TSHZ3: variants seen among roughly 807,000 people sequenced by gnomAD.
TSHZ3 encodes the protein teashirt zinc finger homeobox 3.
In TSHZ3, 10 loss-of-function variants were observed where a neutral mutation model predicts 64.5. The observed-to-expected ratio is 0.16, with a 90% CI of 0.10 to 0.26. TSHZ3 has a LOEUF of 0.26. Among genes scored for constraint, TSHZ3 ranks in the 10% least tolerant of loss-of-function variants. The probability of loss-of-function intolerance (pLI) is 1.00; values close to 1 mark genes in which losing one functional copy is unlikely to be tolerated. For synonymous variants in TSHZ3, 608 were observed against 593.1 expected, an observed-to-expected ratio of 1.03 and a Z score of -0.36; for missense variants, 1,242 against 1,421.7, an observed-to-expected ratio of 0.87 and a Z score of 2.03.
chr19:31,223,448 A>G (rs1010192281), intron 4 of TSHZ3, among the ~76,000 whole-genome samples: 5 of 151,514 alleles, frequency 3.3e-5, no homozygotes, highest in Admixed American at 6.6e-5. Flanking sequence ...CTGAAAAGTC[A>G]CCAAAGACAA....
At chr19:31,192,241 A>G (rs1351863224) in intron 5 of TSHZ3, among the ~76,000 whole-genome samples, 1 of 152,218 alleles carries the variant, frequency 6.6e-6, no homozygotes, top group Non-Finnish European at 1.5e-5. Flanking sequence ...GGGGAACAAA[A>G]AGCAGAAGGC....
At chr19:31,338,654 GCT>G (rs1373870399) in intron 1 of TSHZ3, among the ~76,000 whole-genome samples, 3 of 146,844 alleles carry the variant, frequency 2.0e-5, no homozygotes, top group Non-Finnish European at 4.5e-5. Flanking sequence ...AGCAACTGCA[GCT>G]CTGTTTATAT....
intron 1 of TSHZ3, among the ~76,000 whole-genome samples, chr19:31,299,136 A>G (rs1343874935): frequency 6.6e-6 from 1 of 152,182 alleles, no homozygotes; most frequent in Non-Finnish European, 1.5e-5. Context: ...CGGAGGTTGC[A>G]GTAAGCCGGG....
chr19:31,182,472 C>A (rs1238208251), intron 5 of TSHZ3, among the ~76,000 whole-genome samples: 1 of 152,094 alleles, frequency 6.6e-6, no homozygotes, highest in Non-Finnish European at 1.5e-5. Flanking sequence ...TAGGTCACAC[C>A]AAAATGCACA....
chr19:31,165,780 T>A (rs1974442723), intron 5 of TSHZ3, among the ~76,000 whole-genome samples: 1 of 152,188 alleles, frequency 6.6e-6, no homozygotes, highest in Non-Finnish European at 1.5e-5. Flanking sequence ...TAAAGTGACC[T>A]AAGGGACATA....
intron 1 of TSHZ3, among the ~76,000 whole-genome samples, chr19:31,250,616 T>A (rs185925208): frequency 2.6e-3 from 389 of 150,262 alleles, no homozygotes; most frequent in Middle Eastern, 0.02. Context: ...ACGCTAAGTA[T>A]TTTTTTTATA....
chr19:31,341,639 ACACACACACACACAC>A (rs1917442381), intron 1 of TSHZ3, among the ~76,000 whole-genome samples: 1 of 115,064 alleles, frequency 8.7e-6, no homozygotes, highest in African/African-American at 4.9e-5. Flanking sequence ...TGACACACAC[ACACACACACACACAC>A]ACACACACAC....
chr19:31,226,977 C>CTTTTTTTTTTTTTTTTTTTTTTT lies in TSHZ3; in HGVS notation n.686+1027_686+1028insAAAAAAAAAAAAAAAAAAAAAAA, dbSNP rs3030229. ...TTTTCTTCTCTTTCTTTCTTTCTTTCTTTTTTTTTTTTTTTTTTTGAGATG... is the reference window on the plus strand; with the variant it reads ...TTTTCTTCTCTTTCTTTCTTTCTTTCTTTTTTTTTTTTTTTTTTTTTTTTTTTTTTTTTTTTTTTTTTGAGATG... On this transcript the variant is annotated intron_variant and non_coding_transcript_variant, in intron 4 of 6. Coordinates refer to the TSHZ3 transcript ENST00000651361. Among the ~76,000 whole-genome samples, 46 of 65,670 alleles carry CTTTTTTTTTTTTTTTTTTTTTTT rather than the reference C, an allele frequency of 7.0e-4. 2 individuals are homozygous for CTTTTTTTTTTTTTTTTTTTTTTT. Among genetic ancestry groups the CTTTTTTTTTTTTTTTTTTTTTTT allele is most frequent in the African/African-American group, 1.4e-3 (14 of 10,310 alleles). The allele number at this position is 65,670 out of a possible 152,430, so 43.1% of individuals were successfully genotyped here. A position where few individuals can be genotyped will look rare whatever the true frequency, so the allele number is the denominator to read the frequency against.
At chr19:31,155,900 G>A (rs35517490) in intron 6 of TSHZ3, among the ~76,000 whole-genome samples, 13,938 of 152,274 alleles carry the variant, frequency 0.092, 821 homozygotes, top group East Asian at 0.14. Flanking sequence ...AAGTCCCTTA[G>A]TGACACCATT....
chr19:31,311,967 G>A (rs1000570825), intron 1 of TSHZ3, among the ~76,000 whole-genome samples: 2 of 151,944 alleles, frequency 1.3e-5, no homozygotes, highest in African/African-American at 4.8e-5. Flanking sequence ...CCAGTGATCC[G>A]CCCGCCTCAA....
At chr19:31,177,789 T>C (rs1974634449) in intron 5 of TSHZ3, among the ~76,000 whole-genome samples, 1 of 152,208 alleles carries the variant, frequency 6.6e-6, no homozygotes, top group South Asian at 2.1e-4. Context: ...ATATTCTCTT[T>C]TGAAGCTCAC....
At position 31,278,327 on chromosome 19, in the gene TSHZ3, T is replaced by C. The variant is rs1244561647; in HGVS notation, c.1466A>G (p.Asp489Gly). ...AVTDEKPKQKDKPGEEEEKCD... is the reference protein window; with the variant it reads ...AVTDEKPKQKGKPGEEEEKCD... The stretch of plus-strand genomic sequence containing the variant: ...CTTCTCCTCTTCTTCGCCAGGCTTG[T>C]CTTTTTGCTTAGGTTTCTCGTCAGT... Residue 489 changes from aspartate to glycine, a missense_variant, in exon 2 of 2, where the codon GAC becomes GGC. Asp to Gly is a moderately conservative substitution (Grantham distance 94). Coordinates refer to ENST00000240587, the MANE Select transcript of TSHZ3 (RefSeq NM_020856.4). The surrounding 1 kb of genome is among the most constrained non-coding windows in gnomAD (Gnocchi z 4.7). 1.9e-6 allele frequency: 3 copies of C among 1,614,206 alleles called. No individual in the cohort carries two copies. The South Asian group carries it at 3.3e-5, about 18-fold the overall frequency.
intron 1 of TSHZ3, among the ~76,000 whole-genome samples, chr19:31,266,426 T>C (rs1976054892): frequency 1.3e-5 from 2 of 152,128 alleles, no homozygotes; most frequent in Admixed American, 6.5e-5. Context: ...ATTGCACCAC[T>C]TGAAGTCCTT....
chr19:31,302,778 G>A (rs923371755), intron 1 of TSHZ3, among the ~76,000 whole-genome samples: 7 of 152,144 alleles, frequency 4.6e-5, no homozygotes, highest in Non-Finnish European at 8.8e-5. Flanking sequence ...TTCCATATGG[G>A]AAGTGAGATG....
chr19:31,204,421 T>C (rs563680253), intron 5 of TSHZ3, among the ~76,000 whole-genome samples: 31 of 151,218 alleles, frequency 2.1e-4, no homozygotes, highest in African/African-American at 7.3e-4. Context: ...CTTCCCTACC[T>C]CCCTCTCTCC....
chr19:31,156,359 G>A (rs529152743), exon 6 of TSHZ3, among the ~76,000 whole-genome samples: 1 of 152,146 alleles, frequency 6.6e-6, no homozygotes, highest in Admixed American at 6.5e-5. Flanking sequence ...CAAATACCTT[G>A]TCTTTTCCTA....
chr19:31,266,072 C>A (rs1374444713), intron 1 of TSHZ3, among the ~76,000 whole-genome samples: 2 of 152,158 alleles, frequency 1.3e-5, no homozygotes, highest in African/African-American at 4.8e-5. Context: ...TTCTGCAGGG[C>A]AGTGGAGAGC....
intron 3 of TSHZ3, among the ~76,000 whole-genome samples, chr19:31,237,143 G>A (rs1410639280): frequency 3.9e-5 from 6 of 152,240 alleles, no homozygotes; most frequent in South Asian, 2.1e-4. Flanking sequence ...GCGAAACTCC[G>A]TCTAAGAAAA....
rs139056816 is a variant in TSHZ3 at position 31,277,492 on chromosome 19, C to T, written c.2301G>A (p.Pro767=). 58 of 1,608,948 alleles carry T rather than the reference C, an allele frequency of 3.6e-5. No individual in the cohort carries two copies. In the East Asian group the frequency reaches 8.1e-4, roughly 22 times the overall value. ...GGTCTGCCTTCTTGGACTGCAGGGG[C>T]GGCGGGGTGGCCACAGCAGCCTTCT... ...LAEKAAVATP[P]PLQSKKADHL... Residue 767 remains proline, a synonymous_variant, in exon 2 of 2, where the codon CCG becomes CCA. Transcript: ENST00000240587. The surrounding 1 kb of genome is among the most constrained non-coding windows in gnomAD (Gnocchi z 4.5).
Sources: allele counts gnomAD v4.1 joint callset (sites outside exome capture counted in the v4.1 genomes callset), GRCh38; gene constraint gnomAD v4.1.1; non-coding constraint Gnocchi (gnomAD v3.1); transcripts MANE v1.5; gene names NCBI Gene and HGNC (gene_info 2026-07-23, HGNC 2026-07-21).